ASXL3: variants seen among roughly 807,000 people sequenced by gnomAD.
ASXL3 encodes the protein ASXL transcriptional regulator 3.
ASXL3 carries 34 observed loss-of-function variants against 170.6 expected under a neutral mutation model. That is an observed-to-expected ratio of 0.20 (90% CI 0.15 to 0.27). The LOEUF is 0.27. Ranked by LOEUF, ASXL3 falls within the 10% of genes least tolerant of loss-of-function variation. The pLI is 1.00. For missense variants in ASXL3, 2,592 were observed against 2,695.3 expected, an observed-to-expected ratio of 0.96 and a Z score of 0.85; for synonymous variants, 1,002 against 989.1, an observed-to-expected ratio of 1.01 and a Z score of -0.24.
intron 4 of ASXL3, among the ~76,000 whole-genome samples, chr18:33,648,217 A>C (rs980876538): frequency 6.6e-6 from 1 of 152,122 alleles, no homozygotes; most frequent in African/African-American, 2.4e-5. Flanking sequence ...AAAAGATACG[A>C]GAACAAGGAA....
At chr18:33,648,010 A>G (rs180978402) in intron 4 of ASXL3, among the ~76,000 whole-genome samples, 1 of 152,180 alleles carries the variant, frequency 6.6e-6, no homozygotes, top group East Asian at 1.9e-4. Flanking sequence ...AGAGATAGCA[A>G]GAGGCTGGTG....
chr18:33,667,687 C>T (rs1289230182), intron 5 of ASXL3, among the ~76,000 whole-genome samples: 9 of 152,168 alleles, frequency 5.9e-5, no homozygotes, highest in Admixed American at 4.6e-4. Context: ...TGACATCCCA[C>T]TCTAAATTGG....
At chr18:33,704,511 G>A (rs925739505) in intron 8 of ASXL3, among the ~76,000 whole-genome samples, 1 of 151,982 alleles carries the variant, frequency 6.6e-6, no homozygotes, top group Non-Finnish European at 1.5e-5. Flanking sequence ...CTACTCATAA[G>A]TGTCCCATTT....
intron 7 of ASXL3, among the ~76,000 whole-genome samples, chr18:33,674,840 G>A (rs987364545): frequency 7.2e-5 from 11 of 151,924 alleles, no homozygotes; most frequent in Admixed American, 2.0e-4. Flanking sequence ...GGATGGTCTC[G>A]ATCTCCTGAC....
intron 2 of ASXL3, chr18:33,641,850 T>C (rs2065851286): frequency 6.6e-6 from 1 of 152,554 alleles, no homozygotes; most frequent in Admixed American, 6.6e-5. Context: ...TTTCAGAGAC[T>C]TTTAAATTAA....
In ASXL3 at chr18:33,578,604, T is replaced by C. The variant is rs780809342; in HGVS notation, c.-28T>C. ...GCACCCCGTGGAATCCCCCACGTCA[T>C]CATCAGAACCATCAATGAGATGCAA... On this transcript the variant is annotated 5_prime_UTR_variant, in exon 1 of 12. Coordinates refer to ENST00000269197, the MANE Select transcript of ASXL3 (RefSeq NM_030632.3). 7.8e-7 allele frequency: 1 copy of C among 1,287,068 alleles called. No homozygotes were observed. The allele number at this position is 1,287,068 out of a possible 1,614,324, so 79.7% of individuals were successfully genotyped here.
intron 1 of ASXL3, among the ~76,000 whole-genome samples, chr18:33,582,631 A>G (rs1180354407): frequency 6.6e-6 from 1 of 152,068 alleles, no homozygotes; most frequent in East Asian, 1.9e-4. Context: ...GCTTGGTAAC[A>G]TGGCTGATTT....
rs544184030 is a variant in ASXL3, at chr18:33,700,957, A to T, written c.879+17389A>T. Among the ~76,000 whole-genome samples, 3 of 152,162 alleles carry T rather than the reference A, an allele frequency of 2.0e-5. No homozygotes were observed. The South Asian group carries it at 6.2e-4, about 32-fold the overall frequency. On this transcript the variant is annotated intron_variant, in intron 8 of 11. Transcript: ENST00000269197. ...GAAGTTAACATGCTAGCGAGGTCAG[A>T]GAGAAGAGCACGATAGGGGTTAAAA... is the stretch of plus-strand genomic sequence containing the variant.
intron 2 of ASXL3, among the ~76,000 whole-genome samples, chr18:33,620,373 A>T (rs1399566617): frequency 1.3e-5 from 2 of 152,124 alleles, no homozygotes; most frequent in Non-Finnish European, 2.9e-5. Context: ...AGTTTAAAGA[A>T]TAGCTCAGAT....
intron 9 of ASXL3, among the ~76,000 whole-genome samples, chr18:33,733,934 A>G (rs1425928004): frequency 1.3e-5 from 2 of 152,074 alleles, no homozygotes; most frequent in Non-Finnish European, 2.9e-5. Flanking sequence ...TGGCTTATAC[A>G]GGGCTTCATA....
intron 4 of ASXL3, among the ~76,000 whole-genome samples, chr18:33,647,851 T>C (rs2065938291): frequency 6.6e-6 from 1 of 151,704 alleles, no homozygotes; most frequent in Non-Finnish European, 1.5e-5. Flanking sequence ...TGGGGCAAAA[T>C]ACATAAGGGA....
chr18:33,623,963 A>G (rs1244181701), intron 2 of ASXL3, among the ~76,000 whole-genome samples: 2 of 152,112 alleles, frequency 1.3e-5, no homozygotes, highest in Admixed American at 6.6e-5. Flanking sequence ...GTTTAAGACT[A>G]TTCTTGGAAA....
In ASXL3 at chr18:33,748,120, G is replaced by C. The variant is rs964578910; in HGVS notation, c.*1525G>C. 5 of 26,750 alleles carry C rather than the reference G, an allele frequency of 1.9e-4. No homozygotes were observed. The highest frequency in any genetic ancestry group is 2.4e-4 in the Non-Finnish European group (4 of 17,012). 1.7% of individuals were successfully genotyped at this position (26,750 alleles called of 1,614,324 possible). On this transcript the variant is annotated 3_prime_UTR_variant, in exon 12 of 12. Coordinates refer to ENST00000269197, the MANE Select transcript of ASXL3 (RefSeq NM_030632.3). ...GCTGTAGAATTTAAAAAGCAAACAT[G>C]GGGGGGGTGGGGAATCATCTGTATC... is the stretch of plus-strand genomic sequence containing the variant.
intron 1 of ASXL3, among the ~76,000 whole-genome samples, chr18:33,602,609 A>G (rs2065195778): frequency 6.6e-6 from 1 of 152,116 alleles, no homozygotes; most frequent in African/African-American, 2.4e-5. Context: ...GCCCCCAGAG[A>G]GGACTTAGCA....
At chr18:33,703,154 TCTC>T (rs796362122) in intron 8 of ASXL3, among the ~76,000 whole-genome samples, 45 of 152,184 alleles carry the variant, frequency 3.0e-4, no homozygotes, top group African/African-American at 1.1e-3. Context: ...AAGCTACCAG[TCTC>T]CTCTTAATTG....
chr18:33,614,533 T>C (rs756550040), intron 2 of ASXL3: 1 of 152,270 alleles, frequency 6.6e-6, no homozygotes, highest in Non-Finnish European at 1.5e-5. Context: ...CTCCTGTGAA[T>C]CATGAATGTT....
chr18:33,746,380 T>C lies in ASXL3; in HGVS notation c.6532T>C (p.Leu2178=), dbSNP rs1228671815. Residue 2178 remains leucine (L), a synonymous_variant, in exon 12 of 12, where the codon TTG becomes CTG. Transcript: ENST00000269197. ...ASAIEKSIGI[L]GSGSNPATGL... ...TGCAATTGAAAAGTCCATTGGGATT[T>C]TGGGAAGTGGCTCCAATCCTGCCAC... is the stretch of plus-strand genomic sequence containing the variant. 6.2e-7 allele frequency: 1 copy of C among 1,613,758 alleles called. No homozygotes were observed. Among genetic ancestry groups the C allele is most frequent in the African/African-American group, 1.3e-5 (1 of 74,938 alleles).
Position 33,578,500 on chromosome 18 carries a change from A to G in ASXL3, c.-132A>G, listed in dbSNP as rs886248776. ...CGCCGCCGCCGCCGCCGCCGCCGCC[A>G]CCGCCCGCGCGCCTCCCCCCGCGGA... On this transcript the variant is annotated 5_prime_UTR_variant, in exon 1 of 12. Coordinates refer to ENST00000269197, the MANE Select transcript of ASXL3 (RefSeq NM_030632.3). 1.8e-3 allele frequency: 457 copies of G among 247,298 alleles called. 3 individuals are homozygous for G. Among genetic ancestry groups the G allele is most frequent in the African/African-American group, 0.01 (233 of 22,816 alleles). The allele number at this position is 247,298 out of a possible 1,614,324, so 15.3% of individuals were successfully genotyped here. A position where few individuals can be genotyped will look rare whatever the true frequency, so the allele number is the denominator to read the frequency against.
At chr18:33,684,652 C>T (rs533674218) in intron 8 of ASXL3, among the ~76,000 whole-genome samples, 130 of 152,016 alleles carry the variant, frequency 8.6e-4, no homozygotes, top group African/African-American at 2.9e-3. Flanking sequence ...ATGATATATT[C>T]TGGGTGCTTT....
Sources: allele counts gnomAD v4.1 joint callset (sites outside exome capture counted in the v4.1 genomes callset), GRCh38; gene constraint gnomAD v4.1.1; transcripts MANE v1.5; gene names NCBI Gene and HGNC (gene_info 2026-07-23, HGNC 2026-07-21).